PDE8B: variants seen among roughly 807,000 people sequenced by gnomAD.
The protein encoded by PDE8B is phosphodiesterase 8B.
Under a neutral mutation model 101.3 loss-of-function variants are expected in PDE8B, and 26 were observed. The observed-to-expected ratio is 0.26, with a 90% CI of 0.19 to 0.36. PDE8B has a LOEUF of 0.36. Among genes scored for constraint, PDE8B ranks in the 10% least tolerant of loss-of-function variants. PDE8B has a pLI of 1.00. For synonymous variants in PDE8B, 424 were observed against 429.3 expected, an observed-to-expected ratio of 0.99 and a Z score of 0.15; for missense variants, 810 against 1,163.1, an observed-to-expected ratio of 0.70 and a Z score of 4.42.
chr5:77,285,260 TA>T (rs1765766652), intron 1 of PDE8B, among the ~76,000 whole-genome samples: 1 of 152,222 alleles, frequency 6.6e-6, no homozygotes, highest in Non-Finnish European at 1.5e-5. Flanking sequence ...AATAACCTTT[TA>T]TATTTACCAC....
the PDE8B span, among the ~76,000 whole-genome samples, chr5:77,204,927 C>A: frequency 6.6e-6 from 1 of 152,186 alleles, no homozygotes; most frequent in Admixed American, 6.5e-5. Context: ...TGTTTCATTT[C>A]TATATCCTTT....
chr5:77,382,622 T>C (rs1029644334), intron 10 of PDE8B, among the ~76,000 whole-genome samples: 2 of 151,896 alleles, frequency 1.3e-5, no homozygotes, highest in African/African-American at 4.8e-5. Flanking sequence ...TGATGTGTGA[T>C]GTTCCCCTCA....
chr5:77,252,723 A>G (rs1043623855), intron 1 of PDE8B, among the ~76,000 whole-genome samples: 1 of 152,204 alleles, frequency 6.6e-6, no homozygotes, highest in African/African-American at 2.4e-5. Context: ...AAATATAATC[A>G]TCTTATCATT....
intron 1 of PDE8B, among the ~76,000 whole-genome samples, chr5:77,238,516 G>T (rs1346873539): frequency 6.6e-6 from 1 of 152,166 alleles, no homozygotes; most frequent in African/African-American, 2.4e-5. Context: ...TAATTGCTTA[G>T]TCTTTGTCAG....
At chr5:77,160,183 G>T in the PDE8B span, among the ~76,000 whole-genome samples, 1 of 152,090 alleles carries the variant, frequency 6.6e-6, no homozygotes, top group East Asian at 1.9e-4. Context: ...CTACTAAAGA[G>T]CTGAAAGTGC....
intron 10 of PDE8B, among the ~76,000 whole-genome samples, chr5:77,386,200 T>C (rs1056337980): frequency 6.6e-6 from 1 of 152,196 alleles, no homozygotes; most frequent in African/African-American, 2.4e-5. Flanking sequence ...CTTCCAATTA[T>C]GTGGTCAATT....
chr5:77,120,441 T>C, the PDE8B span, among the ~76,000 whole-genome samples: 29 of 152,332 alleles, frequency 1.9e-4, no homozygotes, highest in African/African-American at 7.0e-4. Context: ...CATAAATGAA[T>C]ACTGAAGTTT....
At chr5:77,094,673 C>T in the PDE8B span, among the ~76,000 whole-genome samples, 5 of 152,124 alleles carry the variant, frequency 3.3e-5, no homozygotes, top group Non-Finnish European at 5.9e-5. Context: ...ATTTGACTCT[C>T]AGTTCTGCAG....
the PDE8B span, among the ~76,000 whole-genome samples, chr5:77,157,202 C>T: frequency 6.6e-6 from 1 of 152,200 alleles, no homozygotes; most frequent in Non-Finnish European, 1.5e-5. Flanking sequence ...ATTAAATTCA[C>T]TCTATTTAAA....
intron 10 of PDE8B, among the ~76,000 whole-genome samples, chr5:77,373,760 G>A (rs1442533130): frequency 1.3e-5 from 2 of 152,062 alleles, no homozygotes; most frequent in Non-Finnish European, 2.9e-5. Flanking sequence ...GATTTTAGTG[G>A]TTCATTTCCT....
intron 10 of PDE8B, among the ~76,000 whole-genome samples, chr5:77,365,818 T>C (rs531654030): frequency 1.3e-5 from 2 of 152,316 alleles, no homozygotes; most frequent in South Asian, 4.1e-4. Context: ...TTGTCAGCCA[T>C]GTTTCCAGCA....
intron 1 of PDE8B, among the ~76,000 whole-genome samples, chr5:77,266,042 G>A (rs991301914): frequency 6.6e-6 from 1 of 152,222 alleles, no homozygotes; most frequent in African/African-American, 2.4e-5. Context: ...TAGCATGATA[G>A]GGATGGCCAA....
chr5:77,263,162 A>T (rs72766935), intron 1 of PDE8B, among the ~76,000 whole-genome samples: 15 of 152,350 alleles, frequency 9.8e-5, no homozygotes, highest in Non-Finnish European at 1.9e-4. Context: ...GAGGCCACCA[A>T]GGAGAGTATT....
intron 10 of PDE8B, among the ~76,000 whole-genome samples, chr5:77,396,889 G>A (rs1454589848): frequency 6.6e-6 from 1 of 151,778 alleles, no homozygotes; most frequent in Non-Finnish European, 1.5e-5. Flanking sequence ...AAAAACCTAG[G>A]ATTACTTAAT....
At chr5:77,407,286 G>A in intron 12 of PDE8B, 95 bp from the exon 13 acceptor site, 1 of 910,994 alleles carries the variant, frequency 1.1e-6, no homozygotes, top group South Asian at 1.3e-5. Context: ...GTGGCCCTGT[G>A]AGAAGCGGGC....
intron 1 of PDE8B, among the ~76,000 whole-genome samples, chr5:77,283,567 G>T (rs1201013566): frequency 2.0e-5 from 3 of 152,120 alleles, no homozygotes; most frequent in Non-Finnish European, 2.9e-5. Context: ...ATGTTATATG[G>T]TTGGAATCAT....
chr5:77,252,785 C>T (rs889127991), intron 1 of PDE8B, among the ~76,000 whole-genome samples: 3 of 152,102 alleles, frequency 2.0e-5, no homozygotes, highest in African/African-American at 7.2e-5. Context: ...ATGAGTAGAA[C>T]ACTGGTGATT....
chr5:77,109,927 G>GTTTTTTTTTTTT, the PDE8B span, among the ~76,000 whole-genome samples: 2 of 67,264 alleles, frequency 3.0e-5, no homozygotes, highest in Non-Finnish European at 5.3e-5. Flanking sequence ...TTGTATTTCA[G>GTTTTTTTTTTTT]TTTTTTTTTT....
the PDE8B span, among the ~76,000 whole-genome samples, chr5:77,177,519 G>A: frequency 6.6e-6 from 1 of 152,250 alleles, no homozygotes; most frequent in African/African-American, 2.4e-5. Context: ...GTAGGTCTTA[G>A]CGACCTCAAC....
Sources: gnomAD v4.1 joint callset for allele counts (sites outside exome capture counted in the v4.1 genomes callset) on GRCh38, gnomAD v4.1.1 for gene constraint, MANE v1.5 for transcripts, NCBI Gene and HGNC (gene_info 2026-07-23, HGNC 2026-07-21) for gene names.